Variants in AR observed in about 807,000 individuals in gnomAD.
The protein encoded by AR is dihydrotestosterone receptor.
AR carries 8 observed loss-of-function variants against 53.9 expected under a neutral mutation model. The ratio of observed to expected loss-of-function variants is 0.15; its 90% CI spans 0.09 to 0.27. AR has a LOEUF of 0.27. Among genes scored for constraint, AR ranks in the 10% least tolerant of loss-of-function variants. The pLI is 1.00. For synonymous variants in AR, 359 were observed against 316.4 expected, an observed-to-expected ratio of 1.13 and a Z score of -1.43; for missense variants, 639 against 742.5, an observed-to-expected ratio of 0.86 and a Z score of 1.62.
intron 1 of AR, among the ~76,000 whole-genome samples, chrX:67,629,525 T>G (rs1411241936): frequency 7.4e-5 from 8 of 108,753 alleles, no homozygotes; most frequent in Non-Finnish European, 1.5e-4. Flanking sequence ...GATTCTTCTC[T>G]CTTTTTTTCT....
At chrX:67,583,381 C>T (rs1569274680) in intron 1 of AR, among the ~76,000 whole-genome samples, 1 of 111,742 alleles carries the variant, frequency 8.9e-6, no homozygotes, top group Admixed American at 9.5e-5. Flanking sequence ...AGTTCTGTTG[C>T]AAAGGTCAGG....
intron 1 of AR, among the ~76,000 whole-genome samples, chrX:67,602,238 G>A (rs554904306): frequency 3.6e-5 from 4 of 111,424 alleles, no homozygotes; most frequent in Non-Finnish European, 1.9e-5. Flanking sequence ...ATTTTTACCC[G>A]GACTGAGTTT....
chrX:67,590,035 T>G (rs1248448229), intron 1 of AR, among the ~76,000 whole-genome samples: 1 of 111,901 alleles, frequency 8.9e-6, no homozygotes, highest in Non-Finnish European at 1.9e-5. Flanking sequence ...TAAAGCTACC[T>G]AGTCCAAAGT....
At chrX:67,660,426 A>C (rs1926833318) in intron 2 of AR, among the ~76,000 whole-genome samples, 2 of 111,801 alleles carry the variant, frequency 1.8e-5, no homozygotes, top group African/African-American at 6.5e-5. Context: ...TCAGCTGTCT[A>C]CATATGGCTA....
chrX:67,652,433 G>GT (rs1569295656), intron 2 of AR, among the ~76,000 whole-genome samples: 1 of 112,176 alleles, frequency 8.9e-6, no homozygotes, highest in Non-Finnish European at 1.9e-5. Context: ...CAAAACTGCA[G>GT]TATCTTTAAA....
chrX:67,670,425 TTAAATA>T (rs1311086600), intron 2 of AR, among the ~76,000 whole-genome samples: 1 of 104,442 alleles, frequency 9.6e-6, no homozygotes, highest in African/African-American at 3.4e-5. Flanking sequence ...AATTCACCTA[TTAAATA>T]TAAAGAAACA....
intron 1 of AR, among the ~76,000 whole-genome samples, chrX:67,548,148 A>T (rs1291132909): frequency 8.9e-6 from 1 of 111,808 alleles, no homozygotes; most frequent in South Asian, 3.7e-4. Flanking sequence ...TTGGGGACTT[A>T]AATCCAGCAA....
Position 67,727,757 on chromosome X carries a change from G to A in AR, c.*3916G>A, listed in dbSNP as rs1404437141. On this transcript the variant is annotated 3_prime_UTR_variant, in exon 8 of 8. Coordinates refer to ENST00000374690, the MANE Select transcript of AR (RefSeq NM_000044.6). Reference sequence around the variant, plus strand: ...GAAAAATAAGAGGCTGACTGTCTACGAATTATCTTGTGCCAGTTGCCCAGG... The same window carrying A: ...GAAAAATAAGAGGCTGACTGTCTACAAATTATCTTGTGCCAGTTGCCCAGG... 1.2e-5 allele frequency: 2 copies of A among 171,775 alleles called. No homozygotes were observed. The highest frequency in any genetic ancestry group is 8.2e-5 in the East Asian group (1 of 12,132). 14.2% of individuals were successfully genotyped at this position (171,775 alleles called of 1,213,427 possible).
At chrX:67,569,976 C>A (rs951471994) in intron 1 of AR, among the ~76,000 whole-genome samples, 1 of 111,696 alleles carries the variant, frequency 9.0e-6, no homozygotes, top group African/African-American at 3.3e-5. Flanking sequence ...CCCTCTCTTG[C>A]AGTTCTGGGC....
In AR at chrX:67,728,574, A is replaced by AATATAT. The variant is rs10666509; in HGVS notation, c.*4769_*4774dup. 0.065 allele frequency: 1,915 copies of AATATAT among 29,668 alleles called. 110 individuals carry two copies. Among genetic ancestry groups the AATATAT allele is most frequent in the Middle Eastern group, 0.087 (2 of 23 alleles). The allele number at this position is 29,668 out of a possible 1,213,427, so 2.4% of individuals were successfully genotyped here. A position where few individuals can be genotyped will look rare whatever the true frequency, so the allele number is the denominator to read the frequency against. ...ATTTGTATCCATGTTTCAAAATTGA[A>AATATAT]ATATATATATATATATATATATATA... On this transcript the variant is annotated 3_prime_UTR_variant, in exon 8 of 8. Coordinates refer to ENST00000374690, the MANE Select transcript of AR (RefSeq NM_000044.6).
chrX:67,615,660 T>C (rs1924082455), intron 1 of AR, among the ~76,000 whole-genome samples: 1 of 111,662 alleles, frequency 9.0e-6, no homozygotes, highest in Non-Finnish European at 1.9e-5. Flanking sequence ...TCATTATATA[T>C]TCTTTTCCAC....
At chrX:67,549,333 GT>G (rs754476217) in intron 1 of AR, among the ~76,000 whole-genome samples, 9 of 111,687 alleles carry the variant, frequency 8.1e-5, no homozygotes, top group Admixed American at 1.9e-4. Flanking sequence ...CCATTCATGT[GT>G]GTGTTTATGT....
chrX:67,653,327 T>C (rs1926434645), intron 2 of AR, among the ~76,000 whole-genome samples: 2 of 111,779 alleles, frequency 1.8e-5, no homozygotes, highest in South Asian at 3.8e-4. Context: ...GTTACCAACA[T>C]AAAAGAGTGA....
intron 1 of AR, among the ~76,000 whole-genome samples, chrX:67,615,152 C>G (rs1018886919): frequency 2.7e-5 from 3 of 110,438 alleles, no homozygotes; most frequent in Non-Finnish European, 5.7e-5. Flanking sequence ...AAGAAAAGAG[C>G]AGAAAGAATA....
At position 67,727,843 on chromosome X, in the gene AR, G is replaced by A. The variant is rs2076163854; in HGVS notation, c.*4002G>A. 5.7e-6 allele frequency: 1 copy of A among 174,641 alleles called. No individual in the cohort carries two copies. Among genetic ancestry groups the A allele is most frequent in the East Asian group, 8.1e-5 (1 of 12,314 alleles). 14.4% of individuals were successfully genotyped at this position (174,641 alleles called of 1,213,427 possible). On this transcript the variant is annotated 3_prime_UTR_variant, in exon 8 of 8. Transcript: ENST00000374690. ...TTTGACCCACTACAAGGGGTCATGGGAATCAGGAATGCCAAAGCACCAGAT... is the reference window on the plus strand; with the variant it reads ...TTTGACCCACTACAAGGGGTCATGGAAATCAGGAATGCCAAAGCACCAGAT...
intron 2 of AR, among the ~76,000 whole-genome samples, chrX:67,652,555 G>A (rs1163416213): frequency 8.9e-6 from 1 of 112,017 alleles, no homozygotes; most frequent in African/African-American, 3.2e-5. Flanking sequence ...GGTTTGTATA[G>A]CCTATAAATG....
intron 1 of AR, among the ~76,000 whole-genome samples, chrX:67,630,732 T>C (rs1487316299): frequency 9.0e-6 from 1 of 111,052 alleles, no homozygotes; most frequent in Admixed American, 9.6e-5. Context: ...TTCTTCCTAG[T>C]CTCGATGGTC....
intron 1 of AR, among the ~76,000 whole-genome samples, chrX:67,610,613 C>T (rs12863183): frequency 5.6e-4 from 62 of 111,050 alleles, no homozygotes; most frequent in Non-Finnish European, 9.1e-4. Flanking sequence ...AATTACTGTT[C>T]TACAACTTAA....
Position 67,545,137 on chromosome X carries a change from A to C in AR, c.-10A>C. ...AGGGAAGTAGGTGGAAGATTCAGCC[A>C]AGCTCAAGGATGGAAGTGCAGTTAG... On this transcript the variant is annotated 5_prime_UTR_variant, in exon 1 of 8. Coordinates refer to ENST00000374690, the MANE Select transcript of AR (RefSeq NM_000044.6). 8.4e-7 allele frequency: 1 copy of C among 1,195,715 alleles called. No homozygotes were observed. Among genetic ancestry groups the C allele is most frequent in the Non-Finnish European group, 1.1e-6 (1 of 889,402 alleles).
Sources: allele counts gnomAD v4.1 joint callset (sites outside exome capture counted in the v4.1 genomes callset), GRCh38; gene constraint gnomAD v4.1.1; transcripts MANE v1.5; gene names NCBI Gene and HGNC (gene_info 2026-07-23, HGNC 2026-07-21).